IQCE: variants seen among roughly 807,000 people sequenced by gnomAD.
IQCE encodes IQ domain-containing protein E.
A neutral mutation model predicts 96.0 loss-of-function variants in IQCE; 115 were observed. The ratio of observed to expected loss-of-function variants is 1.20; its 90% confidence interval spans 1.03 to 1.40. IQCE has a LOEUF of 1.40. Among genes scored for constraint, IQCE ranks in the 40% most tolerant of loss-of-function variants. The pLI is 0.00. For synonymous variants in IQCE, 412 were observed against 371.2 expected (o/e 1.11, Z -1.26); for missense variants, 1,041 against 909.1 (o/e 1.15, Z -1.87).
At chr7:2,561,810 G>C in intron 1 of IQCE, among the ~76,000 whole-genome samples, 1 of 152,170 alleles carries the variant, frequency 6.6e-6, no homozygotes, top group Non-Finnish European at 1.5e-5. Flanking sequence ...GATTCATTAG[G>C]ATTTTCTATG....
intron 1 of IQCE, among the ~76,000 whole-genome samples, 184 bp from the exon 2 acceptor site, chr7:2,566,932 T>A (rs1026844718): frequency 2.7e-5 from 4 of 150,932 alleles, no homozygotes; most frequent in South Asian, 2.2e-4. Context: ...CACCCACCCA[T>A]TCCTTCTGAT....
At chr7:2,563,201 C>T (rs113771262) in intron 1 of IQCE, among the ~76,000 whole-genome samples, 10,523 of 152,230 alleles carry the variant, frequency 0.069, 460 homozygotes, top group Non-Finnish European at 0.097. Context: ...GTTGGGATTA[C>T]AGGCATGAGC....
At chr7:2,577,960 G>C (rs1782309520) in intron 6 of IQCE, among the ~76,000 whole-genome samples, 1 of 137,612 alleles carries the variant, frequency 7.3e-6, no homozygotes, top group Non-Finnish European at 1.6e-5. Context: ...CGTGTGCGTG[G>C]CTGTGCGCGC....
intron 11 of IQCE, among the ~76,000 whole-genome samples, chr7:2,585,591 A>G (rs1443052846): frequency 6.6e-6 from 1 of 152,232 alleles, no homozygotes; most frequent in Non-Finnish European, 1.5e-5. Flanking sequence ...ACAGCACAGA[A>G]ACGTGAGAGC....
intron 7 of IQCE, 38 bp downstream of exon 7, chr7:2,578,393 G>C (rs368882275): frequency 3.1e-6 from 5 of 1,611,238 alleles, no homozygotes; most frequent in Non-Finnish European, 4.2e-6. Flanking sequence ...GCAAGGGGAG[G>C]GTCCTCGGGG....
chr7:2,574,447 C>T (rs189583318), intron 6 of IQCE, among the ~76,000 whole-genome samples: 227 of 152,344 alleles, frequency 1.5e-3, no homozygotes, highest in African/African-American at 4.0e-3. Context: ...GTGAGAAGAA[C>T]GCTCTAACCA....
intron 21 of IQCE, chr7:2,607,506 C>G (rs2128474589): frequency 6.2e-6 from 8 of 1,299,078 alleles, no homozygotes; most frequent in Non-Finnish European, 7.8e-6. Flanking sequence ...CTTCCTCCTT[C>G]AGGCCAGCAT....
At position 2,607,185 on chromosome 7, in the gene IQCE, C is replaced by A. The variant is rs200327205; in HGVS notation, c.1927C>A (p.His643Asn). 133 of 1,613,642 alleles carry A rather than the reference C, an allele frequency of 8.2e-5. No homozygotes were observed. In the African/African-American group the frequency reaches 1.7e-3, roughly 20 times the overall value. ...STRRRSASATHGDASSPPFLA... is the reference protein window; with the variant it reads ...STRRRSASATNGDASSPPFLA... ...CAGGAGGAGATCGGCTTCAGCCACACACGGGGACGCCTCCTCCCCACCCTT... is the reference window on the plus strand; with the variant it reads ...CAGGAGGAGATCGGCTTCAGCCACAAACGGGGACGCCTCCTCCCCACCCTT... Residue 643 changes from histidine to asparagine, a missense_variant, in exon 21 of 22, where the codon CAC (histidine) becomes AAC (asparagine). Coordinates refer to ENST00000402050, the MANE Select transcript of IQCE (RefSeq NM_152558.5).
At position 2,610,721 on chromosome 7, in the gene IQCE, A is replaced by AAATG. The variant is rs1317146493; in HGVS notation, c.*561_*564dup. 1 of 154,868 alleles carries AAATG rather than the reference A, an allele frequency of 6.5e-6. No individual in the cohort carries two copies. The highest frequency in any genetic ancestry group is 2.4e-5 in the African/African-American group (1 of 41,432). The allele number at this position is 154,868 out of a possible 1,614,324, so 9.6% of individuals were successfully genotyped here. A position where few individuals can be genotyped will look rare whatever the true frequency, so the allele number is the denominator to read the frequency against. On this transcript the variant is annotated 3_prime_UTR_variant, in exon 22 of 22. Transcript: ENST00000402050. ...AGGAGCTAAAGACACCCAGGTCCCC[A>AAATG]AATGATCTTACTCCATGCCCCACCC...
At chr7:2,584,589 C>T (rs1782953404) in intron 11 of IQCE, 2 of 338,708 alleles carry the variant, frequency 5.9e-6, no homozygotes, top group Admixed American at 4.4e-5. Flanking sequence ...AGCAGAGCCA[C>T]CTTTTTAGGA....
rs574562647 is a variant in IQCE at position 2,594,806 on chromosome 7, G to A, written c.1350-80G>A. On this transcript the variant is annotated intron_variant, in intron 15 of 21. Coordinates refer to ENST00000402050, the MANE Select transcript of IQCE (RefSeq NM_152558.5). ...GTGTCCCCCTGTCTCCGCCTGGACC[G>A]CCCGCCCCACCCTGCCCTGTGCCGG... The A allele has an allele frequency of 1.8e-4, 184 of 1,006,666 alleles. No individual in the cohort carries two copies. In the African/African-American group the frequency reaches 2.2e-3, roughly 12 times the overall value. 62.4% of individuals were successfully genotyped at this position (1,006,666 alleles called of 1,614,324 possible). A position where few individuals can be genotyped will look rare whatever the true frequency, so the allele number is the denominator to read the frequency against.
intron 21 of IQCE, among the ~76,000 whole-genome samples, chr7:2,608,238 C>T (rs1330933462): frequency 1.3e-5 from 2 of 152,304 alleles, no homozygotes; most frequent in East Asian, 3.9e-4. Flanking sequence ...GGAGGCCTCG[C>T]TTTCCTGGGA....
intron 9 of IQCE, among the ~76,000 whole-genome samples, chr7:2,583,254 A>T (rs926260910): frequency 6.6e-6 from 1 of 152,146 alleles, no homozygotes; most frequent in African/African-American, 2.4e-5. Flanking sequence ...GGGAAAAGTG[A>T]TTCTCTCTTC....
intron 8 of IQCE, among the ~76,000 whole-genome samples, chr7:2,578,736 G>A (rs1454322036): frequency 2.0e-5 from 3 of 152,166 alleles, no homozygotes; most frequent in Non-Finnish European, 4.4e-5. Context: ...GCAAGACACT[G>A]TAGGAAAAAC....
chr7:2,578,440 G>A (rs1782383683), intron 7 of IQCE, 36 bp from the exon 8 acceptor site: 2 of 1,608,920 alleles, frequency 1.2e-6, no homozygotes, highest in Non-Finnish European at 1.7e-6. Context: ...GGGCTACACC[G>A]AAGGCCGTCT....
At chr7:2,592,980 A>G (rs750434076) in intron 14 of IQCE, 42 bp from the exon 15 acceptor site, 4 of 1,561,958 alleles carry the variant, frequency 2.6e-6, no homozygotes, top group Non-Finnish European at 3.5e-6. Flanking sequence ...CATAACCTAC[A>G]GTTTTTGTGA....
intron 21 of IQCE, among the ~76,000 whole-genome samples, chr7:2,607,905 A>G (rs1406676438): frequency 6.6e-6 from 1 of 152,208 alleles, no homozygotes. Flanking sequence ...GGAGAAGGGC[A>G]GCCTTAAGAC....
intron 8 of IQCE, among the ~76,000 whole-genome samples, chr7:2,580,847 C>T (rs1473366637): frequency 5.9e-5 from 9 of 152,140 alleles, no homozygotes; most frequent in African/African-American, 1.9e-4. Flanking sequence ...CTGAGGGGCA[C>T]GCAAGCGGAA....
intron 6 of IQCE, among the ~76,000 whole-genome samples, chr7:2,575,563 G>A (rs1234189649): frequency 6.6e-6 from 1 of 151,808 alleles, no homozygotes; most frequent in Non-Finnish European, 1.5e-5. Flanking sequence ...GGTACTGGGT[G>A]CAGCCGGGCA....
Sources: gnomAD v4.1 joint callset for allele counts (sites outside exome capture counted in the v4.1 genomes callset) on GRCh38, gnomAD v4.1.1 for gene constraint, MANE v1.5 for transcripts, NCBI Gene and HGNC (gene_info 2026-07-23, HGNC 2026-07-21) for gene names.